The following LARP4B variants were observed in gnomAD, a reference collection of about 807,000 sequenced individuals.
The protein encoded by LARP4B is la-related protein 4B.
Under a neutral mutation model 89.8 loss-of-function variants are expected in LARP4B, and 12 were observed. The ratio of observed to expected loss-of-function variants is 0.13; its 90% CI spans 0.09 to 0.22. The LOEUF (loss-of-function observed/expected upper bound fraction) is 0.22, where lower values mean the gene tolerates loss of function less well. Among genes scored for constraint, LARP4B ranks in the 10% least tolerant of loss-of-function variants. The pLI is 1.00. For synonymous variants in LARP4B, 367 were observed against 363.3 expected, an observed-to-expected ratio of 1.01 and a Z score of -0.12; for missense variants, 757 against 947.7, an observed-to-expected ratio of 0.80 and a Z score of 2.64.
intron 1 of LARP4B, among the ~76,000 whole-genome samples, chr10:904,677 C>G (rs7899871): frequency 0.61 from 92,371 of 152,126 alleles, 28,505 homozygotes; most frequent in South Asian, 0.71. Flanking sequence ...CATAGGTGGA[C>G]ACTGAAAAGT....
chr10:931,017 C>T (rs1434285632), intron 1 of LARP4B, among the ~76,000 whole-genome samples: 5 of 150,356 alleles, frequency 3.3e-5, no homozygotes, highest in Admixed American at 2.0e-4. Flanking sequence ...CTTCGCCCAA[C>T]CCCGGCCTCC....
intron 3 of LARP4B, among the ~76,000 whole-genome samples, chr10:874,899 ATAT>A (rs1373204462): frequency 6.6e-6 from 1 of 152,198 alleles, no homozygotes; most frequent in Non-Finnish European, 1.5e-5. Flanking sequence ...GTTTCACAAA[ATAT>A]TAATTACATC....
At chr10:939,710 A>G in the LARP4B span, among the ~76,000 whole-genome samples, 16 of 152,362 alleles carry the variant, frequency 1.1e-4, no homozygotes, top group Non-Finnish European at 2.2e-4. Context: ...TTGATGAGAC[A>G]TGAGATTTGG....
intron 1 of LARP4B, among the ~76,000 whole-genome samples, chr10:918,353 C>T (rs140576771): frequency 5.3e-4 from 80 of 152,288 alleles, no homozygotes; most frequent in Non-Finnish European, 1.0e-3. Context: ...TTCAGACAGG[C>T]CGGGGATGAT....
chr10:894,788 A>T (rs1836137911), intron 1 of LARP4B, among the ~76,000 whole-genome samples: 1 of 152,224 alleles, frequency 6.6e-6, no homozygotes, highest in Non-Finnish European at 1.5e-5. Context: ...GGAAGAGAAG[A>T]AACAAAAATA....
At chr10:962,075 C>T in the LARP4B span, among the ~76,000 whole-genome samples, 5 of 152,158 alleles carry the variant, frequency 3.3e-5, no homozygotes, top group Non-Finnish European at 5.9e-5. Flanking sequence ...GGTGGATCAC[C>T]TGAGGTCGGG....
At chr10:945,464 A>T in the LARP4B span, among the ~76,000 whole-genome samples, 2 of 151,916 alleles carry the variant, frequency 1.3e-5, no homozygotes, top group Admixed American at 6.6e-5. Context: ...AGGCGGGTGG[A>T]TCACAAGGTC....
In LARP4B at chr10:883,036, C is replaced by T. The variant is rs535158282; in HGVS notation, c.141+1411G>A. Among the ~76,000 whole-genome samples the T allele has an allele frequency of 6.6e-5, 10 of 152,286 alleles. No homozygotes were observed. In the East Asian group the frequency reaches 1.7e-3, roughly 26 times the overall value. On this transcript the variant is annotated intron_variant, in intron 3 of 17. Coordinates refer to ENST00000316157, the MANE Select transcript of LARP4B (RefSeq NM_015155.3). The stretch of plus-strand genomic sequence containing the variant: ...AATTAGAAAACATTCATAGCAATGC[C>T]TACAATAGGTTTCTAAAGATGTCTG...
At chr10:862,228 T>G (rs183542367) in intron 5 of LARP4B, among the ~76,000 whole-genome samples, 64 of 133,838 alleles carry the variant, frequency 4.8e-4, no homozygotes, top group Admixed American at 2.4e-3. Context: ...ACCAAACAAT[T>G]ATTTAAAGCA....
Position 885,736 on chromosome 10 carries a change from G to C in LARP4B, c.-15C>G, listed in dbSNP as rs13360. The C allele has an allele frequency of 6.2e-7, 1 of 1,607,454 alleles. No homozygotes were observed. Among genetic ancestry groups the C allele is most frequent in the South Asian group, 1.1e-5 (1 of 90,882 alleles). ...TCAGAAGTCATGGGCTCCACTGGGA[G>C]AAGTGTAATGCTAACCTCAGGATGC... On this transcript the variant is annotated 5_prime_UTR_variant, in exon 2 of 18. Transcript: ENST00000316157.
rs775441779 is a variant in LARP4B at position 812,960 on chromosome 10, C to T, written c.2183G>A (p.Arg728Gln). Residue 728 changes from arginine to glutamine, a missense_variant, in exon 18 of 18, where the codon CGA (arginine) becomes CAA (glutamine). Physicochemically the swap from Arg to Gln is conservative, Grantham distance 43 (BLOSUM62 1). Around this residue, in one of 5 missense-constraint regions of LARP4B, gnomAD observed 387 missense variants for 423.6 expected, o/e 0.91. Transcript: ENST00000316157. ...SPSAMGKRLS[R>Q]EQSTPPKSPQ ...AGACTTGGGGGGAGTGCTCTGCTCT[C>T]GGCTGAGACGCTTCCCCATGGCCGA... 5.1e-6 allele frequency: 8 copies of T among 1,565,494 alleles called. No homozygotes were observed. Among genetic ancestry groups the T allele is most frequent in the South Asian group, 1.2e-5 (1 of 82,984 alleles).
intron 1 of LARP4B, among the ~76,000 whole-genome samples, chr10:927,002 T>C (rs1182962214): frequency 6.7e-6 from 1 of 149,620 alleles, no homozygotes; most frequent in African/African-American, 2.5e-5. Flanking sequence ...ATCGTGCCAG[T>C]GCGCTCCAGC....
intron 5 of LARP4B, among the ~76,000 whole-genome samples, chr10:854,285 T>G (rs750413374): frequency 1.3e-3 from 192 of 152,320 alleles, no homozygotes; most frequent in East Asian, 5.8e-4. Flanking sequence ...TGGTTAATGT[T>G]GACATTTTGG....
At chr10:974,206 G>A in the LARP4B span, among the ~76,000 whole-genome samples, 3 of 152,276 alleles carry the variant, frequency 2.0e-5, no homozygotes, top group Non-Finnish European at 2.9e-5. Context: ...GTAACCAGGA[G>A]GGGCAGTGGT....
intron 15 of LARP4B, 81 bp downstream of exon 15, chr10:817,644 A>G: frequency 7.5e-7 from 1 of 1,340,864 alleles, no homozygotes; most frequent in South Asian, 1.3e-5. Context: ...AAACATGTAT[A>G]AAGAGCTCAG....
intron 1 of LARP4B, among the ~76,000 whole-genome samples, chr10:904,697 CTGT>C (rs945786645): frequency 2.0e-5 from 3 of 152,216 alleles, no homozygotes; most frequent in East Asian, 3.8e-4. Context: ...TCTGCTGCTG[CTGT>C]TATCTGACGG....
intron 15 of LARP4B, 56 bp downstream of exon 15, chr10:817,669 C>T (rs1588846948): frequency 1.4e-5 from 21 of 1,536,916 alleles, no homozygotes; most frequent in Admixed American, 1.8e-5. Context: ...GCGCCTGACA[C>T]GGAACCCGTA....
chr10:927,226 T>C (rs1588996959), intron 1 of LARP4B, among the ~76,000 whole-genome samples: 2 of 151,904 alleles, frequency 1.3e-5, no homozygotes, highest in Admixed American at 6.6e-5. Context: ...AGAAAAACTA[T>C]GAGAAGACAG....
At chr10:885,803 C>T in intron 1 of LARP4B, 43 bp from the exon 2 acceptor site, 1 of 933,082 alleles carries the variant, frequency 1.1e-6, no homozygotes, top group Non-Finnish European at 1.7e-6. Context: ...TTGAAGGGCA[C>T]AGTATGATTA....
Sources: gnomAD v4.1 joint callset for allele counts (sites outside exome capture counted in the v4.1 genomes callset) on GRCh38, gnomAD v4.1.1 for gene constraint, gnomAD v4.1.1 regional missense constraint, MANE v1.5 for transcripts, NCBI Gene and HGNC (gene_info 2026-07-23, HGNC 2026-07-21) for gene names.